SLC41A2: variants seen among roughly 807,000 people sequenced by gnomAD.
SLC41A2 encodes the protein solute carrier family 41 member 2, also known as SLC41A1-like 1.
In SLC41A2, 32 loss-of-function variants were observed where a neutral mutation model predicts 58.3. The ratio of observed to expected loss-of-function variants is 0.55; its 90% CI spans 0.41 to 0.74. SLC41A2 has a LOEUF of 0.74. Among genes scored for constraint, SLC41A2 ranks in the 30% least tolerant of loss-of-function variants. The probability of loss-of-function intolerance (pLI) is 0.00; values close to 1 mark genes in which losing one functional copy is unlikely to be tolerated. For synonymous variants in SLC41A2, 190 were observed against 235.0 expected, an observed-to-expected ratio of 0.81 and a Z score of 1.75; for missense variants, 514 against 680.6, an observed-to-expected ratio of 0.76 and a Z score of 2.72.
intron 1 of SLC41A2, among the ~76,000 whole-genome samples, chr12:104,949,629 G>A (rs1479214819): frequency 1.3e-5 from 2 of 152,184 alleles, no homozygotes; most frequent in African/African-American, 4.8e-5. Context: ...TGTTGCCCAG[G>A]CTGGAGTGCA....
intron 2 of SLC41A2, among the ~76,000 whole-genome samples, chr12:104,921,699 T>G (rs1156503084): frequency 6.6e-6 from 1 of 152,138 alleles, no homozygotes; most frequent in Non-Finnish European, 1.5e-5. Flanking sequence ...TAAAACTAAG[T>G]GCACAGCAAA....
rs111481497 is a variant in SLC41A2, at chr12:104,839,996, T to A, written c.1536+4476A>T. ...GTACTGCTGTTCCTTCTTTGCTCAATAGATTGTCAGTATGCTTATTTAACT... is the reference window on the plus strand; with the variant it reads ...GTACTGCTGTTCCTTCTTTGCTCAAAAGATTGTCAGTATGCTTATTTAACT... On this transcript the variant is annotated intron_variant, in intron 10 of 10. Coordinates refer to ENST00000258538, the MANE Select transcript of SLC41A2 (RefSeq NM_001352171.3). Among the ~76,000 whole-genome samples the A allele has an allele frequency of 3.4e-3, 516 of 152,342 alleles. 2 individuals are homozygous for A. Among genetic ancestry groups the A allele is most frequent in the African/African-American group, 0.012 (479 of 41,570 alleles).
chr12:104,858,687 AT>A (rs1388120576), intron 8 of SLC41A2, among the ~76,000 whole-genome samples: 1 of 152,158 alleles, frequency 6.6e-6, no homozygotes, highest in African/African-American at 2.4e-5. Flanking sequence ...AATTTTTATA[AT>A]TTTTGTGCAG....
chr12:104,942,386 G>C (rs1315442759), intron 1 of SLC41A2, among the ~76,000 whole-genome samples: 1 of 151,476 alleles, frequency 6.6e-6, no homozygotes, highest in Non-Finnish European at 1.5e-5. Flanking sequence ...ACTGAGGTGG[G>C]AGGATCACCT....
intron 10 of SLC41A2, among the ~76,000 whole-genome samples, chr12:104,817,115 A>G (rs530154487): frequency 6.6e-5 from 10 of 152,212 alleles, no homozygotes; most frequent in Non-Finnish European, 1.5e-4. Context: ...TCTACAAACT[A>G]TATAGCATGT....
At chr12:104,904,750 G>A (rs554111634) in intron 3 of SLC41A2, among the ~76,000 whole-genome samples, 1 of 152,058 alleles carries the variant, frequency 6.6e-6, no homozygotes, top group East Asian at 1.9e-4. Context: ...TTAAGGCATC[G>A]CGTCTGGAGT....
intron 3 of SLC41A2, among the ~76,000 whole-genome samples, chr12:104,902,532 G>A (rs1348782275): frequency 6.6e-6 from 1 of 152,132 alleles, no homozygotes; most frequent in African/African-American, 2.4e-5. Context: ...AGAGTCTGGA[G>A]GTACAGATCT....
intron 10 of SLC41A2, among the ~76,000 whole-genome samples, chr12:104,813,471 A>G (rs2041261559): frequency 6.6e-6 from 1 of 152,184 alleles, no homozygotes; most frequent in African/African-American, 2.4e-5. Flanking sequence ...TAATTTCTCA[A>G]GTTAATAAAG....
At chr12:104,923,608 T>A (rs2046705631) in intron 2 of SLC41A2, among the ~76,000 whole-genome samples, 1 of 151,440 alleles carries the variant, frequency 6.6e-6, no homozygotes, top group African/African-American at 2.4e-5. Flanking sequence ...AAGTCCCAAA[T>A]AAGTAAAATT....
chr12:104,816,091 C>T (rs1172623499), intron 10 of SLC41A2, among the ~76,000 whole-genome samples: 1 of 152,074 alleles, frequency 6.6e-6, no homozygotes, highest in Non-Finnish European at 1.5e-5. Flanking sequence ...TAGAGTCAAA[C>T]CCAGGTCTGT....
intron 4 of SLC41A2, 54 bp downstream of exon 4, chr12:104,895,220 T>C: frequency 7.8e-7 from 1 of 1,286,564 alleles, no homozygotes; most frequent in Non-Finnish European, 1.1e-6. Flanking sequence ...TCTTATAGAT[T>C]ACAGTCAAAA....
intron 6 of SLC41A2, among the ~76,000 whole-genome samples, chr12:104,872,265 T>C (rs559434236): frequency 5.9e-5 from 9 of 152,282 alleles, no homozygotes; most frequent in Non-Finnish European, 1.2e-4. Context: ...CTTTGTCCAT[T>C]AAGCAATAAA....
intron 2 of SLC41A2, among the ~76,000 whole-genome samples, chr12:104,912,636 G>C (rs1328104561): frequency 3.3e-5 from 5 of 152,176 alleles, no homozygotes; most frequent in African/African-American, 1.2e-4. Flanking sequence ...GAAACAGGTA[G>C]AGTTAAGTGT....
chr12:104,884,561 C>T (rs2044562353), intron 6 of SLC41A2, among the ~76,000 whole-genome samples: 1 of 152,192 alleles, frequency 6.6e-6, no homozygotes, highest in South Asian at 2.1e-4. Flanking sequence ...CTCTATGTTC[C>T]TGGGCAAACC....
At chr12:104,911,238 AAAAATGTACAAAATC>A (rs1340441763) in intron 2 of SLC41A2, among the ~76,000 whole-genome samples, 3 of 152,108 alleles carry the variant, frequency 2.0e-5, no homozygotes, top group Non-Finnish European at 4.4e-5. Context: ...CTGTCCCCCA[AAAAATGTACAAAATC>A]AAGCTATAAC....
At chr12:104,832,520 A>G (rs1450195179) in intron 10 of SLC41A2, among the ~76,000 whole-genome samples, 1 of 152,214 alleles carries the variant, frequency 6.6e-6, no homozygotes, top group African/African-American at 2.4e-5. Context: ...AAAATTGTCC[A>G]TGAAGATTTA....
At chr12:104,857,064 C>A (rs1490020650) in intron 8 of SLC41A2, among the ~76,000 whole-genome samples, 1 of 151,538 alleles carries the variant, frequency 6.6e-6, no homozygotes, top group African/African-American at 2.4e-5. Context: ...AAAAGTAAAA[C>A]GTATTTCAAA....
At chr12:104,884,906 A>T (rs925486836) in intron 6 of SLC41A2, among the ~76,000 whole-genome samples, 1 of 152,244 alleles carries the variant, frequency 6.6e-6, no homozygotes, top group Non-Finnish European at 1.5e-5. Context: ...AATGCTAGCC[A>T]TAAGCTAATA....
intron 1 of SLC41A2, among the ~76,000 whole-genome samples, chr12:104,929,751 G>T (rs535687697): frequency 1.3e-5 from 2 of 152,382 alleles, no homozygotes; most frequent in East Asian, 3.9e-4. Context: ...AAATGGCACT[G>T]ATTTGATAAG....
Sources: gnomAD v4.1 joint callset for allele counts (sites outside exome capture counted in the v4.1 genomes callset) on GRCh38, gnomAD v4.1.1 for gene constraint, MANE v1.5 for transcripts, NCBI Gene and HGNC (gene_info 2026-07-23, HGNC 2026-07-21) for gene names.